Variants in MCC observed in about 807,000 individuals in gnomAD.
MCC encodes MCC regulator of Wnt signaling pathway.
In MCC, 90 loss-of-function variants were observed where a neutral mutation model predicts 116.2. The ratio of observed to expected loss-of-function variants is 0.77; its 90% CI spans 0.65 to 0.92. MCC has a LOEUF of 0.92. MCC is among the 40% of genes least tolerant of loss of function. The pLI is 0.00. For missense variants in MCC, 1,516 were observed against 1,312.2 expected, an observed-to-expected ratio of 1.16 and a Z score of -2.40; for synonymous variants, 578 against 510.5, an observed-to-expected ratio of 1.13 and a Z score of -1.78.
At chr5:113,440,486 T>G (rs1464775647) in intron 1 of MCC, among the ~76,000 whole-genome samples, 1 of 152,184 alleles carries the variant, frequency 6.6e-6, no homozygotes, top group East Asian at 1.9e-4. Context: ...TGGCAAACGT[T>G]GCATCTTATT....
intron 11 of MCC, among the ~76,000 whole-genome samples, chr5:113,073,811 G>T (rs972693505): frequency 1.3e-5 from 2 of 152,220 alleles, no homozygotes; most frequent in African/African-American, 4.8e-5. Context: ...CAAACTGCAA[G>T]GCCACAGCGA....
chr5:113,327,562 ATATAT>A (rs1273299431), intron 3 of MCC, among the ~76,000 whole-genome samples: 3 of 75,336 alleles, frequency 4.0e-5, no homozygotes, highest in African/African-American at 1.6e-4. Flanking sequence ...AAAAAAAAAA[ATATAT>A]ATATATATAT....
chr5:113,476,979 T>G (rs1772250234), intron 1 of MCC, among the ~76,000 whole-genome samples: 1 of 152,218 alleles, frequency 6.6e-6, no homozygotes, highest in South Asian at 2.1e-4. Context: ...GGTCATGACC[T>G]TCATTTGTTA....
intron 3 of MCC, among the ~76,000 whole-genome samples, chr5:113,286,826 C>A (rs1191205190): frequency 6.6e-6 from 1 of 152,164 alleles, no homozygotes; most frequent in Non-Finnish European, 1.5e-5. Context: ...TGCTTTACAA[C>A]CTTATTCACT....
At chr5:113,266,832 A>G (rs890954178) in intron 3 of MCC, among the ~76,000 whole-genome samples, 1 of 152,206 alleles carries the variant, frequency 6.6e-6, no homozygotes, top group Non-Finnish European at 1.5e-5. Context: ...ACCTAACAAA[A>G]AAACCTATAA....
intron 1 of MCC, among the ~76,000 whole-genome samples, chr5:113,396,128 G>C (rs1769519769): frequency 6.6e-6 from 1 of 152,060 alleles, no homozygotes; most frequent in South Asian, 2.1e-4. Flanking sequence ...AGGAGTTTGA[G>C]ACCAGCCTGG....
intron 1 of MCC, among the ~76,000 whole-genome samples, chr5:113,447,211 G>T (rs1463252700): frequency 2.0e-5 from 3 of 152,108 alleles, no homozygotes; most frequent in African/African-American, 7.2e-5. Context: ...TATGTGTATT[G>T]CCAGATTAGA....
At chr5:113,247,546 A>G (rs1764623570) in intron 3 of MCC, among the ~76,000 whole-genome samples, 1 of 152,206 alleles carries the variant, frequency 6.6e-6, no homozygotes, top group Non-Finnish European at 1.5e-5. Context: ...AGTAGAAATA[A>G]AAGTGGTATA....
In MCC at chr5:113,343,673, T is replaced by C. The variant is rs538397408; in HGVS notation, c.416-2943A>G. The stretch of plus-strand genomic sequence containing the variant: ...AGCACCGTGCACATGGCCTGTGACA[T>C]AGATAGCATTTAATAAACATTTATT... On this transcript the variant is annotated intron_variant, in intron 2 of 18. Transcript: ENST00000408903. Among the ~76,000 whole-genome samples the C allele has an allele frequency of 3.3e-5, 5 of 152,368 alleles. No homozygotes were observed. In the East Asian group the frequency reaches 9.6e-4, roughly 29 times the overall value.
intron 6 of MCC, among the ~76,000 whole-genome samples, chr5:113,115,513 G>A (rs565647648): frequency 9.4e-4 from 143 of 152,160 alleles, no homozygotes; most frequent in African/African-American, 3.3e-3. Context: ...AAATATGAAG[G>A]GATAAGGAAG....
At position 113,149,387 on chromosome 5, in the gene MCC, A is replaced by T. The variant is rs113582936; in HGVS notation, c.741+1922T>A. 7.2e-3 allele frequency among the ~76,000 whole-genome samples: 1,096 copies of T among 152,182 alleles called. 19 individuals are homozygous for T. The highest frequency in any genetic ancestry group is 0.025 in the African/African-American group (1,037 of 41,528). On this transcript the variant is annotated intron_variant, in intron 4 of 18. Transcript: ENST00000408903. Reference sequence around the variant, plus strand: ...GGAAAATATTTTAAGTAACATTTTCATCTAAGTAAAAACTGAAAATTTTTT... The same window carrying T: ...GGAAAATATTTTAAGTAACATTTTCTTCTAAGTAAAAACTGAAAATTTTTT...
rs556792684 is a variant in MCC, at chr5:113,074,921, TTGGCACCTCGTC to T, written c.1785-3699_1785-3688del. On this transcript the variant is annotated intron_variant, in intron 11 of 18. Transcript: ENST00000408903. The stretch of plus-strand genomic sequence containing the variant: ...AAGTGCTAGCAGCCCTTGCTTGCTC[TTGGCACCTCGTC>T]GGCCTCGGTGTCTGCTCTGGCCATG... Among the ~76,000 whole-genome samples the T allele has an allele frequency of 5.6e-3, 856 of 152,356 alleles. 16 individuals carry two copies. The highest frequency in any genetic ancestry group is 0.02 in the African/African-American group (821 of 41,580).
chr5:113,465,202 A>G (rs1771867993), intron 1 of MCC, among the ~76,000 whole-genome samples: 1 of 88,914 alleles, frequency 1.1e-5, no homozygotes, highest in Non-Finnish European at 2.2e-5. Flanking sequence ...GTAGATCAAG[A>G]AAAAAAAAAA....
chr5:113,065,077 T>C (rs926306645), intron 13 of MCC, among the ~76,000 whole-genome samples: 3 of 152,110 alleles, frequency 2.0e-5, no homozygotes, highest in African/African-American at 2.4e-5. Flanking sequence ...CAGAGAACTT[T>C]TGGGGCAGTG....
chr5:113,486,536 TG>T (rs1209869512), intron 1 of MCC, among the ~76,000 whole-genome samples: 17 of 152,198 alleles, frequency 1.1e-4, no homozygotes, highest in Non-Finnish European at 2.1e-4. Context: ...CTCTTGCCCG[TG>T]TGAAATTAAA....
chr5:113,059,642 T>C (rs992356174), intron 14 of MCC, among the ~76,000 whole-genome samples: 1 of 152,200 alleles, frequency 6.6e-6, no homozygotes, highest in African/African-American at 2.4e-5. Context: ...TCGCCACACA[T>C]GTGTGTCTTG....
intron 16 of MCC, among the ~76,000 whole-genome samples, chr5:113,046,274 C>T (rs1194207475): frequency 4.6e-5 from 7 of 151,990 alleles, no homozygotes; most frequent in Non-Finnish European, 7.4e-5. Flanking sequence ...GTCACTGCAA[C>T]TTCCGCCTCC....
intron 8 of MCC, chr5:113,101,490 A>G: frequency 1.9e-6 from 1 of 520,622 alleles, no homozygotes; most frequent in Non-Finnish European, 3.4e-6. Flanking sequence ...CACTGCCCCG[A>G]TGTAATTTTA....
chr5:113,114,820 G>T (rs1757304040), intron 6 of MCC, among the ~76,000 whole-genome samples: 1 of 152,118 alleles, frequency 6.6e-6, no homozygotes, highest in African/African-American at 2.4e-5. Flanking sequence ...CCTGCTGAGA[G>T]CCACTTTTAT....
Sources: allele counts gnomAD v4.1 joint callset (sites outside exome capture counted in the v4.1 genomes callset), GRCh38; gene constraint gnomAD v4.1.1; transcripts MANE v1.5; gene names NCBI Gene and HGNC (gene_info 2026-07-23, HGNC 2026-07-21).